LEPR: variants seen among roughly 807,000 people sequenced by gnomAD.
LEPR encodes the protein leptin receptor, also known as OB receptor.
A neutral mutation model predicts 114.7 loss-of-function variants in LEPR; 56 were observed. The ratio of observed to expected loss-of-function variants is 0.49; its 90% confidence interval spans 0.39 to 0.61. The LOEUF (loss-of-function observed/expected upper bound fraction) is 0.61, where lower values mean the gene tolerates loss of function less well. Ranked by LOEUF, LEPR falls within the 20% of genes least tolerant of loss-of-function variation. The pLI, the probability that LEPR is intolerant of heterozygous loss-of-function variation, is 0.00. For missense variants in LEPR, 1,202 were observed against 1,352.9 expected (o/e 0.89, Z 1.75); for synonymous variants, 443 against 461.4 (o/e 0.96, Z 0.51).
At chr1:65,468,910 A>G (rs1186030847) in intron 2 of LEPR, among the ~76,000 whole-genome samples, 1 of 152,250 alleles carries the variant, frequency 6.6e-6, no homozygotes, top group Non-Finnish European at 1.5e-5. Context: ...CAAATAGCAG[A>G]ACAGCTGCTG....
At chr1:65,459,645 C>T (rs958308223) in intron 2 of LEPR, among the ~76,000 whole-genome samples, 1 of 152,164 alleles carries the variant, frequency 6.6e-6, no homozygotes, top group Non-Finnish European at 1.5e-5. Context: ...CCATCCCAAC[C>T]CAGGACAAAG....
chr1:65,522,571 C>G (rs1003548137), intron 2 of LEPR, among the ~76,000 whole-genome samples: 2 of 152,136 alleles, frequency 1.3e-5, no homozygotes, highest in African/African-American at 4.8e-5. Flanking sequence ...CGGAGTCATT[C>G]AAATCATTAT....
At chr1:65,447,381 A>G (rs1646726559) in intron 2 of LEPR, among the ~76,000 whole-genome samples, 1 of 151,748 alleles carries the variant, frequency 6.6e-6, no homozygotes, top group Admixed American at 6.6e-5. Context: ...ATGAACAGGG[A>G]CTGTCTCTCC....
At chr1:65,530,824 G>C (rs1464767754) in intron 2 of LEPR, among the ~76,000 whole-genome samples, 1 of 152,050 alleles carries the variant, frequency 6.6e-6, no homozygotes, top group Non-Finnish European at 1.5e-5. Context: ...ATTTTACCCA[G>C]CCCCTACTCA....
chr1:65,618,356 C>G (rs1189959042), intron 16 of LEPR, among the ~76,000 whole-genome samples: 1 of 151,722 alleles, frequency 6.6e-6, no homozygotes, highest in South Asian at 2.1e-4. Flanking sequence ...GGCAGGGTCT[C>G]TCTGTGTTGC....
rs750318013 is a variant in LEPR at position 65,592,639 on chromosome 1, T to G, written c.495-18T>G. ...TTTCATATCTGTTTTAATATTTAGCTCTTATTTTTCAATATAGGCCTGAAG... is the reference window on the plus strand; with the variant it reads ...TTTCATATCTGTTTTAATATTTAGCGCTTATTTTTCAATATAGGCCTGAAG... On this transcript the variant is annotated intron_variant, in intron 5 of 19. Transcript: ENST00000349533. 7 of 1,611,876 alleles carry G rather than the reference T, an allele frequency of 4.3e-6. No homozygotes were observed. The highest frequency in any genetic ancestry group is 5.9e-6 in the Non-Finnish European group (7 of 1,178,570).
At chr1:65,604,565 C>A (rs1224603039) in intron 10 of LEPR, among the ~76,000 whole-genome samples, 3 of 152,184 alleles carry the variant, frequency 2.0e-5, no homozygotes, top group African/African-American at 7.2e-5. Flanking sequence ...GATCAGCCCG[C>A]CTCAGCCTCC....
At position 65,601,672 on chromosome 1, in the gene LEPR, A is replaced by T; in HGVS notation, c.1275A>T (p.Leu425Phe). Residue 425 changes from leucine (L) to phenylalanine (F), a missense_variant, in exon 9 of 20, where the codon TTA becomes TTT. Physicochemically the swap from Leu to Phe is conservative, Grantham distance 22. Coordinates refer to ENST00000349533, the MANE Select transcript of LEPR (RefSeq NM_002303.6). ...EHECHHRYAE[L>F]YVIDVNINIS... Reference sequence around the variant, plus strand: ...AATGCCATCATCGCTATGCTGAATTATATGTGATTGGTAAGAAAACAGAGG... The same window carrying T: ...AATGCCATCATCGCTATGCTGAATTTTATGTGATTGGTAAGAAAACAGAGG... 1 of 1,613,650 alleles carries T rather than the reference A, an allele frequency of 6.2e-7. No homozygotes were observed. Among genetic ancestry groups the T allele is most frequent in the South Asian group, 1.1e-5 (1 of 91,066 alleles).
intron 2 of LEPR, among the ~76,000 whole-genome samples, chr1:65,443,079 G>A (rs1196114645): frequency 6.6e-6 from 1 of 152,186 alleles, no homozygotes; most frequent in Non-Finnish European, 1.5e-5. Flanking sequence ...TGCTAGATAT[G>A]TAAGTGGCAG....
intron 2 of LEPR, among the ~76,000 whole-genome samples, chr1:65,541,698 A>C (rs1299863736): frequency 6.6e-6 from 1 of 152,166 alleles, no homozygotes; most frequent in Non-Finnish European, 1.5e-5. Context: ...AGTGTTTTTC[A>C]GTTGCATTTA....
chr1:65,635,016 C>T (rs534645764), intron 19 of LEPR: 43 of 838,514 alleles, frequency 5.1e-5, no homozygotes, highest in African/African-American at 4.4e-4. Context: ...TTATATTTTG[C>T]GCTTGGCATA....
chr1:65,436,694 A>G (rs1024862155), intron 2 of LEPR, among the ~76,000 whole-genome samples: 1 of 151,694 alleles, frequency 6.6e-6, no homozygotes, highest in Non-Finnish European at 1.5e-5. Flanking sequence ...AGAAGAGCAC[A>G]CTTGGAGACT....
chr1:65,478,551 G>A lies in LEPR; in HGVS notation c.-21+53173G>A, dbSNP rs192374058. ...GCTCATATTCCATACACATTCCTAT[G>A]CTTGCTCGTCTGCAGTTCAGTTAGA... On this transcript the variant is annotated intron_variant, in intron 2 of 19. Coordinates refer to ENST00000349533, the MANE Select transcript of LEPR (RefSeq NM_002303.6). 2.0e-3 allele frequency among the ~76,000 whole-genome samples: 305 copies of A among 152,244 alleles called. 1 individual carries two copies. Among genetic ancestry groups the A allele is most frequent in the African/African-American group, 7.0e-3 (289 of 41,560 alleles).
chr1:65,553,227 G>C (rs543873048), intron 2 of LEPR, among the ~76,000 whole-genome samples: 1 of 152,042 alleles, frequency 6.6e-6, no homozygotes, highest in Admixed American at 6.6e-5. Context: ...TATCTTTGTG[G>C]TGTTCTCGTA....
At chr1:65,535,509 T>C (rs1049169487) in intron 2 of LEPR, among the ~76,000 whole-genome samples, 3 of 151,868 alleles carry the variant, frequency 2.0e-5, no homozygotes, top group Non-Finnish European at 4.4e-5. Flanking sequence ...CTACCACACC[T>C]GGCTAATTTT....
chr1:65,575,231 G>A (rs2100825651), intron 5 of LEPR, among the ~76,000 whole-genome samples: 1 of 152,190 alleles, frequency 6.6e-6, no homozygotes, highest in Admixed American at 6.5e-5. Context: ...AAGAATTTAG[G>A]TAGCAGAGGA....
chr1:65,425,909 C>T (rs1459196519), intron 2 of LEPR, among the ~76,000 whole-genome samples: 1 of 152,086 alleles, frequency 6.6e-6, no homozygotes, highest in African/African-American at 2.4e-5. Context: ...TTCATTCAAC[C>T]ATTGTTGGTT....
At chr1:65,516,248 C>T (rs1158794478) in intron 2 of LEPR, among the ~76,000 whole-genome samples, 3 of 152,082 alleles carry the variant, frequency 2.0e-5, no homozygotes, top group Non-Finnish European at 4.4e-5. Flanking sequence ...TCCTGGCTAA[C>T]ATGGTGAAAC....
chr1:65,511,397 A>C (rs1317840866), intron 2 of LEPR, among the ~76,000 whole-genome samples: 1 of 151,374 alleles, frequency 6.6e-6, no homozygotes, highest in African/African-American at 2.4e-5. Context: ...CAAATTTGAA[A>C]AGTATTGCTC....
Sources: gnomAD v4.1 joint callset for allele counts (sites outside exome capture counted in the v4.1 genomes callset) on GRCh38, gnomAD v4.1.1 for gene constraint, MANE v1.5 for transcripts, NCBI Gene and HGNC (gene_info 2026-07-23, HGNC 2026-07-21) for gene names.